TNFSF11: variants seen among roughly 807,000 people sequenced by gnomAD.
The protein encoded by TNFSF11 is tumor necrosis factor ligand superfamily member 11.
Under a neutral mutation model 32.2 loss-of-function variants are expected in TNFSF11, and 12 were observed. The observed-to-expected ratio is 0.37, with a 90% CI of 0.24 to 0.60. The LOEUF is 0.60. Among genes scored for constraint, TNFSF11 ranks in the 20% least tolerant of loss-of-function variants. TNFSF11 has a pLI of 0.66. For synonymous variants in TNFSF11, 172 were observed against 152.1 expected (o/e 1.13, Z -0.96); for missense variants, 345 against 398.0 (o/e 0.87, Z 1.13).
At chr13:42,577,086 A>C (rs899006357) in intron 1 of TNFSF11, among the ~76,000 whole-genome samples, 2 of 152,214 alleles carry the variant, frequency 1.3e-5, no homozygotes, top group African/African-American at 2.4e-5. Flanking sequence ...TGAATCAACT[A>C]TCTGAGGTTT....
chr13:42,597,158 T>G, intron 2 of TNFSF11, among the ~76,000 whole-genome samples: 1 of 70,888 alleles, frequency 1.4e-5, no homozygotes, highest in East Asian at 5.8e-4. Flanking sequence ...TGGGAATACT[T>G]TCTTTGTACC....
chr13:42,589,473 T>C (rs746530248), intron 2 of TNFSF11, among the ~76,000 whole-genome samples: 10 of 152,200 alleles, frequency 6.6e-5, no homozygotes, highest in Non-Finnish European at 1.5e-4. Context: ...GGTCATTTCT[T>C]TTCCTGCTTA....
chr13:42,582,793 A>G (rs1227732804), intron 2 of TNFSF11, among the ~76,000 whole-genome samples: 1 of 152,190 alleles, frequency 6.6e-6, no homozygotes, highest in African/African-American at 2.4e-5. Flanking sequence ...GTTCTGTTTT[A>G]TATTTCATTT....
At chr13:42,565,812 G>T (rs551636790) in intron 1 of TNFSF11, among the ~76,000 whole-genome samples, 1 of 152,310 alleles carries the variant, frequency 6.6e-6, no homozygotes, top group Admixed American at 6.5e-5. Context: ...TGGAAGATGG[G>T]TTTAAGTGAG....
At chr13:42,569,725 T>A (rs1872995335), upstream of TNFSF11, among the ~76,000 whole-genome samples, 1 of 151,642 alleles carries the variant, frequency 6.6e-6, no homozygotes, top group Non-Finnish European at 1.5e-5. Context: ...CTCTCCGGAG[T>A]TCAGCAAAGT....
intron 1 of TNFSF11, among the ~76,000 whole-genome samples, chr13:42,580,659 A>T (rs958548841): frequency 1.3e-5 from 2 of 152,140 alleles, no homozygotes; most frequent in Non-Finnish European, 2.9e-5. Flanking sequence ...GTTAAAGATG[A>T]TGTTGATTTC....
At chr13:42,590,709 T>TA (rs1874127427) in intron 2 of TNFSF11, among the ~76,000 whole-genome samples, 1 of 152,218 alleles carries the variant, frequency 6.6e-6, no homozygotes, top group African/African-American at 2.4e-5. Flanking sequence ...AGTAGTATAG[T>TA]ATAAGACATT....
In TNFSF11 at chr13:42,574,295, C is replaced by A; in HGVS notation, c.-9C>A. On this transcript the variant is annotated 5_prime_UTR_variant, in exon 1 of 5. Transcript: ENST00000398795. ...GGAGGAGAGCTCCGAAGCGAGAGGGCCGAGCGCCATGCGCCGCGCCAGCAG... is the reference window on the plus strand; with the variant it reads ...GGAGGAGAGCTCCGAAGCGAGAGGGACGAGCGCCATGCGCCGCGCCAGCAG... The A allele has an allele frequency of 6.5e-7, 1 of 1,545,758 alleles. No homozygotes were observed. Among genetic ancestry groups the A allele is most frequent in the Non-Finnish European group, 8.7e-7 (1 of 1,145,706 alleles).
intron 1 of TNFSF11, among the ~76,000 whole-genome samples, chr13:42,565,729 G>T (rs563551453): frequency 6.6e-6 from 1 of 152,308 alleles, no homozygotes; most frequent in African/African-American, 2.4e-5. Flanking sequence ...TTTATCTTAA[G>T]TGTTGGTAGG....
chr13:42,599,183 A>G (rs1232428826), intron 2 of TNFSF11, among the ~76,000 whole-genome samples: 1 of 152,224 alleles, frequency 6.6e-6, no homozygotes, highest in African/African-American at 2.4e-5. Context: ...TATCTCCTCC[A>G]ACGGTCATTA....
chr13:42,607,019 C>A lies in TNFSF11; in HGVS notation c.*101C>A. On this transcript the variant is annotated 3_prime_UTR_variant, in exon 5 of 5. Coordinates refer to ENST00000398795, the MANE Select transcript of TNFSF11 (RefSeq NM_003701.4). ...ATAGGTGTGTGAGACTACTAAGAGG[C>A]ATGGCCCCAACGGTACACGACTCAG... 6.8e-7 allele frequency: 1 copy of A among 1,465,320 alleles called. No homozygotes were observed. The highest frequency in any genetic ancestry group is 9.5e-7 in the Non-Finnish European group (1 of 1,057,614). The allele number at this position is 1,465,320 out of a possible 1,614,324, so 90.8% of individuals were successfully genotyped here.
chr13:42,604,499 A>T (rs1006142954), intron 4 of TNFSF11, among the ~76,000 whole-genome samples: 1 of 152,146 alleles, frequency 6.6e-6, no homozygotes, highest in Non-Finnish European at 1.5e-5. Context: ...GGACAGAGGG[A>T]TTGGAACCAT....
At chr13:42,591,246 G>T (rs67629713) in intron 2 of TNFSF11, among the ~76,000 whole-genome samples, 55,495 of 151,928 alleles carry the variant, frequency 0.37, 11,134 homozygotes, top group East Asian at 0.45. Context: ...TAAAAATAAA[G>T]AATTATAGGG....
intron 2 of TNFSF11, among the ~76,000 whole-genome samples, chr13:42,582,700 G>A (rs1873676756): frequency 6.6e-6 from 1 of 152,210 alleles, no homozygotes; most frequent in Admixed American, 6.5e-5. Flanking sequence ...AGATGTATAT[G>A]TTTAAATTCA....
chr13:42,567,849 C>T (rs1395169163), intron 2 of TNFSF11, among the ~76,000 whole-genome samples: 1 of 152,234 alleles, frequency 6.6e-6, no homozygotes, highest in Non-Finnish European at 1.5e-5. Context: ...CTAATTCCCA[C>T]AGGGTTTCTT....
At position 42,606,508 on chromosome 13, in the gene TNFSF11, G is replaced by A. The variant is rs139991365; in HGVS notation, c.544G>A (p.Val182Met). ...ATDIPSGSHK[V>M]SLSSWYHDRG... ...TCTCTTCTCCACAGGTTCCCATAAA[G>A]TGAGTCTGTCCTCTTGGTACCATGA... Residue 182 changes from valine (V) to methionine (M), a missense_variant, in exon 5 of 5, where the codon GTG becomes ATG. By Grantham distance (21) the Val-to-Met change is conservative. Around this residue, in one of 2 missense-constraint regions of TNFSF11, gnomAD observed 148 missense variants for 216.0 expected, o/e 0.69. Transcript: ENST00000398795. 13 of 1,614,062 alleles carry A rather than the reference G, an allele frequency of 8.1e-6. No homozygotes were observed. The African/African-American group carries it at 1.3e-4, about 17-fold the overall frequency.
intron 1 of TNFSF11, 136 bp from the exon 2 acceptor site, chr13:42,580,990 A>G (rs1873577193): frequency 3.4e-6 from 3 of 882,664 alleles, no homozygotes; most frequent in South Asian, 2.9e-5. Flanking sequence ...CTTGAGGTTC[A>G]TTGTATTAAC....
At chr13:42,603,384 CAG>C (rs1393013181) in intron 4 of TNFSF11, among the ~76,000 whole-genome samples, 2 of 152,052 alleles carry the variant, frequency 1.3e-5, no homozygotes, top group Non-Finnish European at 2.9e-5. Flanking sequence ...AGGCTGGAGT[CAG>C]GGGTTGTCAG....
chr13:42,591,266 T>C lies in TNFSF11; in HGVS notation c.388-9486T>C, dbSNP rs565333594. Among the ~76,000 whole-genome samples the C allele has an allele frequency of 2.6e-4, 40 of 152,250 alleles. 1 individual carries two copies. The South Asian group carries it at 7.7e-3, about 29-fold the overall frequency. On this transcript the variant is annotated intron_variant, in intron 2 of 4. Coordinates refer to ENST00000398795, the MANE Select transcript of TNFSF11 (RefSeq NM_003701.4). Reference sequence around the variant, plus strand: ...ATAAAGAATTATAGGGATCAGAATGTTAAGTTACAAATTTAAGGTGAGGAT... The same window carrying C: ...ATAAAGAATTATAGGGATCAGAATGCTAAGTTACAAATTTAAGGTGAGGAT...
Sources: allele counts gnomAD v4.1 joint callset (sites outside exome capture counted in the v4.1 genomes callset), GRCh38; gene constraint gnomAD v4.1.1; regional missense constraint gnomAD v4.1.1; transcripts MANE v1.5; gene names NCBI Gene and HGNC (gene_info 2026-07-23, HGNC 2026-07-21).